ANKFN1: variants seen among roughly 807,000 people sequenced by gnomAD.
The protein encoded by ANKFN1 is ankyrin repeat and fibronectin type-III domain-containing protein 1.
A neutral mutation model predicts 108.7 loss-of-function variants in ANKFN1; 74 were observed. The ratio of observed to expected loss-of-function variants is 0.68; its 90% CI spans 0.56 to 0.83. The LOEUF (loss-of-function observed/expected upper bound fraction) is 0.83, where lower values mean the gene tolerates loss of function less well. Ranked by LOEUF, ANKFN1 falls within the 40% of genes least tolerant of loss-of-function variation. The probability of loss-of-function intolerance (pLI) is 0.00; values close to 1 mark genes in which losing one functional copy is unlikely to be tolerated. For synonymous variants in ANKFN1, 547 were observed against 516.2 expected, an observed-to-expected ratio of 1.06 and a Z score of -0.81; for missense variants, 1,505 against 1,382.3, an observed-to-expected ratio of 1.09 and a Z score of -1.41.
chr17:56,262,881 A>G (rs939836621), intron 3 of ANKFN1, among the ~76,000 whole-genome samples: 1 of 152,166 alleles, frequency 6.6e-6, no homozygotes, highest in Admixed American at 6.5e-5. Flanking sequence ...CGGAAGAAAG[A>G]AGACTTTTCC....
chr17:56,320,021 C>T (rs544408546), intron 3 of ANKFN1, among the ~76,000 whole-genome samples: 3 of 152,268 alleles, frequency 2.0e-5, no homozygotes, highest in African/African-American at 7.2e-5. Flanking sequence ...AGTCTCAGCT[C>T]AGTCCCTAAA....
chr17:56,383,708 G>A (rs2047173592), intron 8 of ANKFN1, among the ~76,000 whole-genome samples: 1 of 152,186 alleles, frequency 6.6e-6, no homozygotes, highest in Non-Finnish European at 1.5e-5. Context: ...ACACCTCTAT[G>A]CAAATAAACT....
At chr17:56,221,611 G>A (rs1301803823) in intron 2 of ANKFN1, among the ~76,000 whole-genome samples, 50 of 152,156 alleles carry the variant, frequency 3.3e-4, no homozygotes, top group Non-Finnish European at 1.5e-5. Flanking sequence ...ATATACAGAA[G>A]TCCAAATATA....
At chr17:56,352,096 G>T (rs184986949) in intron 5 of ANKFN1, among the ~76,000 whole-genome samples, 3 of 152,244 alleles carry the variant, frequency 2.0e-5, no homozygotes, top group Admixed American at 2.0e-4. Flanking sequence ...CTTTTGGGAG[G>T]ACTTGGCTGT....
At chr17:56,147,735 TCATATC>T (rs1309624356) in intron 4 of ANKFN1, among the ~76,000 whole-genome samples, 1 of 152,192 alleles carries the variant, frequency 6.6e-6, no homozygotes, top group Admixed American at 6.5e-5. Context: ...CAAGAAATCT[TCATATC>T]CATGATGTTA....
chr17:56,440,541 C>A, intron 9 of ANKFN1, 117 bp downstream of exon 9: 1 of 700,158 alleles, frequency 1.4e-6, no homozygotes, highest in Non-Finnish European at 2.4e-6. Context: ...GCAACAACTG[C>A]CACTCATTAA....
At chr17:56,108,034 T>C in intron 4 of ANKFN1, among the ~76,000 whole-genome samples, 1 of 151,516 alleles carries the variant, frequency 6.6e-6, no homozygotes, top group East Asian at 1.9e-4. Flanking sequence ...GCTAATTTTT[T>C]GGTTTTGTTT....
chr17:56,082,437 C>CA (rs1362443463), intron 4 of ANKFN1, among the ~76,000 whole-genome samples: 13 of 103,670 alleles, frequency 1.3e-4, no homozygotes, highest in Non-Finnish European at 2.3e-4. Context: ...CTATCACACA[C>CA]ACACAAAAAA....
chr17:56,056,345 A>G (rs991000268), intron 4 of ANKFN1, among the ~76,000 whole-genome samples: 2 of 149,964 alleles, frequency 1.3e-5, no homozygotes, highest in African/African-American at 4.9e-5. Flanking sequence ...TGAAACCAAA[A>G]AAGACCCTGA....
intron 10 of ANKFN1, among the ~76,000 whole-genome samples, chr17:56,445,638 A>G (rs1272086937): frequency 1.3e-5 from 2 of 152,232 alleles, no homozygotes. Context: ...ATCGGTATTC[A>G]GATATTTACT....
chr17:56,321,063 G>GA (rs11332530), intron 3 of ANKFN1, among the ~76,000 whole-genome samples: 3,605 of 114,230 alleles, frequency 0.032, 48 homozygotes, highest in Admixed American at 0.052. Flanking sequence ...TTTTCTTTAG[G>GA]AAAAAAAAAA....
intron 4 of ANKFN1, among the ~76,000 whole-genome samples, chr17:56,104,960 G>A (rs1320757403): frequency 6.6e-6 from 1 of 152,100 alleles, no homozygotes; most frequent in Non-Finnish European, 1.5e-5. Flanking sequence ...ATGAGTGAGA[G>A]GTGATCTTTG....
intron 18 of ANKFN1, among the ~76,000 whole-genome samples, chr17:56,486,808 G>A (rs767549091): frequency 6.9e-4 from 105 of 152,286 alleles, no homozygotes; most frequent in Middle Eastern, 3.4e-3. Flanking sequence ...TGAATTATGG[G>A]AATATGTAAA....
chr17:56,322,423 C>T (rs912420415), intron 3 of ANKFN1, among the ~76,000 whole-genome samples: 2 of 152,194 alleles, frequency 1.3e-5, no homozygotes, highest in Admixed American at 6.5e-5. Flanking sequence ...AATGGCCAGG[C>T]CAGGTGGATC....
intron 4 of ANKFN1, among the ~76,000 whole-genome samples, chr17:56,109,520 A>T (rs769653525): frequency 6.6e-6 from 1 of 152,120 alleles, no homozygotes; most frequent in Admixed American, 6.6e-5. Context: ...GGAAGCAAAA[A>T]TCACCCCTGG....
rs764099589 is a variant in ANKFN1, at chr17:56,477,468, T to C, written c.1774-20T>C. The C allele has an allele frequency of 2.0e-6, 3 of 1,505,068 alleles. No individual in the cohort carries two copies. Among genetic ancestry groups the C allele is most frequent in the South Asian group, 2.7e-5 (2 of 74,304 alleles). The allele number at this position is 1,505,068 out of a possible 1,614,324, so 93.2% of individuals were successfully genotyped here. A position where few individuals can be genotyped will look rare whatever the true frequency, so the allele number is the denominator to read the frequency against. On this transcript the variant is annotated intron_variant, in intron 15 of 20. Coordinates refer to ENST00000682825, the MANE Select transcript of ANKFN1 (RefSeq NM_001370326.1). ...AGTTGTTTTCTTGTTTTCTTTTTTT[T>C]TTTTTTTTTAACCCTACAGGATATT...
rs1212242378 is a variant in ANKFN1, at chr17:56,188,581, G to GTGTGTGTGTGTGTGTA, written c.-70-24016_-70-24015insGTGTGTGTGTGTGTAT. 2.0e-4 allele frequency among the ~76,000 whole-genome samples: 10 copies of GTGTGTGTGTGTGTGTA among 49,652 alleles called. 1 individual carries two copies. The highest frequency in any genetic ancestry group is 8.1e-4 in the African/African-American group (8 of 9,896). 32.6% of individuals were successfully genotyped at this position (49,652 alleles called of 152,430 possible). A position where few individuals can be genotyped will look rare whatever the true frequency, so the allele number is the denominator to read the frequency against. ...TGTGTGTATGTGTGTGTGTGTGTGT[G>GTGTGTGTGTGTGTGTA]TATATATATATATATATATATATAT... On this transcript the variant is annotated intron_variant, in intron 1 of 20. Transcript: ENST00000682825.
At chr17:56,094,458 TTCTC>T (rs1905478553) in intron 4 of ANKFN1, among the ~76,000 whole-genome samples, 2 of 23,584 alleles carry the variant, frequency 8.5e-5, no homozygotes, top group African/African-American at 3.9e-4. Flanking sequence ...ACTGTCTCAG[TTCTC>T]AGTTGTTTCT....
intron 2 of ANKFN1, among the ~76,000 whole-genome samples, chr17:56,222,933 GTAATTGCAAAAAAT>G (rs1403658809): frequency 6.6e-6 from 1 of 152,138 alleles, no homozygotes; most frequent in Non-Finnish European, 1.5e-5. Flanking sequence ...CAAGCCCACT[GTAATTGCAAAAAAT>G]TACTAACAAC....
Sources: gnomAD v4.1 joint callset for allele counts (sites outside exome capture counted in the v4.1 genomes callset) on GRCh38, gnomAD v4.1.1 for gene constraint, MANE v1.5 for transcripts, NCBI Gene and HGNC (gene_info 2026-07-23, HGNC 2026-07-21) for gene names.